Variants in METTL13 observed in about 807,000 individuals in gnomAD.
METTL13 encodes the protein methyltransferase 13, eEF1A N-terminus and K55.
In METTL13, 52 loss-of-function variants were observed where a neutral mutation model predicts 67.4. That is an observed-to-expected ratio of 0.77 (90% confidence interval 0.62 to 0.97). The LOEUF (loss-of-function observed/expected upper bound fraction) is 0.97. Among genes scored for constraint, METTL13 ranks in the 50% least tolerant of loss-of-function variants. METTL13 has a pLI of 0.00. For synonymous variants in METTL13, 354 were observed against 353.6 expected, an observed-to-expected ratio of 1.00 and a Z score of -0.01; for missense variants, 825 against 889.6, an observed-to-expected ratio of 0.93 and a Z score of 0.92.
rs1657070962 is a variant in METTL13 at position 171,787,805 on chromosome 1, G to T, written c.1184G>T (p.Ser395Ile). Residue 395 changes from serine (S) to isoleucine (I), a missense_variant, in exon 4 of 8, where the codon AGC becomes ATC. Ser to Ile is a moderately radical substitution (Grantham distance 142, BLOSUM62 -2). Coordinates refer to ENST00000361735, the MANE Select transcript of METTL13 (RefSeq NM_015935.5). ...TVQHQDCSPL[S>I]GDYVIEDVQG... The stretch of plus-strand genomic sequence containing the variant: ...CAGCACCAAGACTGCAGCCCCTTGA[G>T]CGGTGACTATGTCATTGAGGATGTG... The T allele has an allele frequency of 1.2e-6, 2 of 1,614,186 alleles. No homozygotes were observed. Among genetic ancestry groups the T allele is most frequent in the Non-Finnish European group, 1.7e-6 (2 of 1,180,030 alleles).
At chr1:171,782,299 A>G (rs6425415) in intron 1 of METTL13, among the ~76,000 whole-genome samples, 179 bp downstream of exon 1, 110,341 of 152,078 alleles carry the variant, frequency 0.73, 41,279 homozygotes, top group African/African-American at 0.92. Flanking sequence ...GGCCGGGCGC[A>G]GTGGCTCACA....
Position 171,784,186 on chromosome 1 carries a change from C to T in METTL13, c.600C>T (p.Phe200=). The change falls in exon 2 of 8, where the codon TTC becomes TTT. Residue 200 remains phenylalanine (F), a synonymous_variant. Coordinates refer to ENST00000361735, the MANE Select transcript of METTL13 (RefSeq NM_015935.5). ...AGGTGTTGGAAGCAGAGCCTCAGTT[C>T]TCCTTGCCTGTCTTTGCCTTCATCA... ...QDQVLEAEPQ[F]SLPVFAFIMT... 1 of 1,614,182 alleles carries T rather than the reference C, an allele frequency of 6.2e-7. No individual in the cohort carries two copies. The highest frequency in any genetic ancestry group is 8.5e-7 in the Non-Finnish European group (1 of 1,180,050).
chr1:171,784,509 G>C lies in METTL13; in HGVS notation c.913+10G>C, dbSNP rs751149292. 16 of 1,495,442 alleles carry C rather than the reference G, an allele frequency of 1.1e-5. No individual in the cohort carries two copies. In the South Asian group the frequency reaches 2.2e-4, roughly 21 times the overall value. The allele number at this position is 1,495,442 out of a possible 1,614,324, so 92.6% of individuals were successfully genotyped here. On this transcript the variant is annotated intron_variant, in intron 2 of 7. Transcript: ENST00000361735. ...TTTGCGATTTTCATCAGTGAGTTGG[G>C]ATTGCTCCCTCTCTTCCCTGGAGGG...
chr1:171,782,546 TGACAGAGTGA>T (rs1656862102), intron 1 of METTL13, among the ~76,000 whole-genome samples: 1 of 149,460 alleles, frequency 6.7e-6, no homozygotes, highest in Admixed American at 6.7e-5. Flanking sequence ...CCAGCCTGGG[TGACAGAGTGA>T]GACCCTGTCT....
intron 1 of METTL13, among the ~76,000 whole-genome samples, chr1:171,783,024 C>T (rs377449433): frequency 2.0e-5 from 3 of 148,570 alleles, no homozygotes; most frequent in Non-Finnish European, 3.0e-5. Context: ...GCCATGCATA[C>T]ATTTTACAGA....
chr1:171,788,170 C>T (rs565226103), intron 4 of METTL13, among the ~76,000 whole-genome samples: 111 of 152,272 alleles, frequency 7.3e-4, no homozygotes, highest in Middle Eastern at 3.4e-3. Flanking sequence ...TTAATGTCTT[C>T]GGTTTAAAGG....
chr1:171,796,331 T>A, intron 7 of METTL13, 151 bp from the exon 8 acceptor site: 1 of 877,206 alleles, frequency 1.1e-6, no homozygotes, highest in East Asian at 2.5e-5. Context: ...TGCCTTTCTA[T>A]GCTGTGTATT....
chr1:171,794,551 AG>A, intron 7 of METTL13, 24 bp downstream of exon 7: 1 of 1,613,884 alleles, frequency 6.2e-7, no homozygotes, highest in South Asian at 1.1e-5. Flanking sequence ...AAGGTGGGAG[AG>A]GGAGGAGAGA....
intron 2 of METTL13, 118 bp downstream of exon 2, chr1:171,784,617 TG>T (rs1181873305): frequency 3.1e-6 from 4 of 1,289,532 alleles, no homozygotes; most frequent in South Asian, 4.0e-5. Context: ...GACTGTTTTT[TG>T]TCTTGCAGGG....
At chr1:171,792,373 T>A (rs1211167888) in intron 6 of METTL13, 138 bp downstream of exon 6, 1 of 951,394 alleles carries the variant, frequency 1.1e-6, no homozygotes, top group African/African-American at 1.7e-5. Context: ...CATTTGTTGA[T>A]ATACTTATTC....
rs1656850642 is a variant in METTL13, at chr1:171,782,232, A to G, written c.153+112A>G. The G allele has an allele frequency of 4.6e-6, 4 of 871,572 alleles. No individual in the cohort carries two copies. In the African/African-American group the frequency reaches 6.8e-5, roughly 15 times the overall value. 54.0% of individuals were successfully genotyped at this position (871,572 alleles called of 1,614,324 possible). The stretch of plus-strand genomic sequence containing the variant: ...AGGCGGGAGGACCCTAGTTGGACGC[A>G]TATTTCAGCATTTCCTGCATTGTTC... On this transcript the variant is annotated intron_variant, in intron 1 of 7. Coordinates refer to ENST00000361735, the MANE Select transcript of METTL13 (RefSeq NM_015935.5).
chr1:171,795,508 G>T (rs1157720880), intron 7 of METTL13, among the ~76,000 whole-genome samples: 1 of 152,204 alleles, frequency 6.6e-6, no homozygotes, highest in African/African-American at 2.4e-5. Flanking sequence ...ACTACATGAT[G>T]CTTCCTACAC....
chr1:171,788,017 AC>A, intron 4 of METTL13, 87 bp downstream of exon 4: 1 of 1,338,136 alleles, frequency 7.5e-7, no homozygotes, highest in Non-Finnish European at 1.0e-6. Flanking sequence ...TGTAGGATGG[AC>A]CTGGGTGTCT....
chr1:171,784,120 G>T lies in METTL13; in HGVS notation c.534G>T (p.Gly178=), dbSNP rs1364471859. 2.5e-6 allele frequency: 4 copies of T among 1,614,272 alleles called. No individual in the cohort carries two copies. In the South Asian group the frequency reaches 3.3e-5, roughly 13 times the overall value. Residue 178 remains glycine (G), a synonymous_variant, in exon 2 of 8, where the codon GGG becomes GGT. Coordinates refer to ENST00000361735, the MANE Select transcript of METTL13 (RefSeq NM_015935.5). The stretch of plus-strand genomic sequence containing the variant: ...CAGTGGGCCACTTCTCCCGGGAGGG[G>T]TGGATGGTGAGGGTGCACCAAGTGG... ...KKAVGHFSRE[G]WMVRVHQVAN...
At chr1:171,786,166 C>G in intron 3 of METTL13, 88 bp downstream of exon 3, 1 of 1,379,530 alleles carries the variant, frequency 7.2e-7, no homozygotes, top group Non-Finnish European at 9.8e-7. Context: ...GGAGCTAGGA[C>G]TAGAGTCTGT....
intron 3 of METTL13, among the ~76,000 whole-genome samples, 199 bp downstream of exon 3, chr1:171,786,277 C>T (rs1166589989): frequency 3.3e-5 from 5 of 152,142 alleles, no homozygotes; most frequent in East Asian, 3.9e-4. Context: ...AGCACAGTAG[C>T]GTCTGTGTCT....
chr1:171,784,688 C>G (rs1656952346), intron 2 of METTL13, among the ~76,000 whole-genome samples, 189 bp downstream of exon 2: 1 of 152,192 alleles, frequency 6.6e-6, no homozygotes. Context: ...TAATAGCTCT[C>G]TAGCAACCTA....
At chr1:171,794,918 C>A (rs908713618) in intron 7 of METTL13, among the ~76,000 whole-genome samples, 6 of 152,060 alleles carry the variant, frequency 3.9e-5, no homozygotes, top group African/African-American at 1.4e-4. Context: ...CTCCTGGTCT[C>A]AAGGAATCCT....
intron 4 of METTL13, among the ~76,000 whole-genome samples, chr1:171,788,959 G>T (rs1195590953): frequency 6.6e-6 from 1 of 152,168 alleles, no homozygotes; most frequent in Non-Finnish European, 1.5e-5. Context: ...TTTCTTTAGG[G>T]GTTTTCCCTG....
Sources: gnomAD v4.1 joint callset for allele counts (sites outside exome capture counted in the v4.1 genomes callset) on GRCh38, gnomAD v4.1.1 for gene constraint, MANE v1.5 for transcripts, NCBI Gene and HGNC (gene_info 2026-07-23, HGNC 2026-07-21) for gene names.